KLHL24: variants seen among roughly 807,000 people sequenced by gnomAD.
KLHL24 encodes the protein kelch-like protein 24.
Under a neutral mutation model 53.4 loss-of-function variants are expected in KLHL24, and 29 were observed. The observed-to-expected ratio is 0.54, with a 90% CI of 0.40 to 0.74. KLHL24 has a LOEUF of 0.74. Ranked by LOEUF, KLHL24 falls within the 30% of genes least tolerant of loss-of-function variation. KLHL24 has a pLI of 0.00. For missense variants in KLHL24, 504 were observed against 744.0 expected, an observed-to-expected ratio of 0.68 and a Z score of 3.75; for synonymous variants, 222 against 253.7, an observed-to-expected ratio of 0.88 and a Z score of 1.19.
chr3:183,641,832 C>T (rs182265496), intron 1 of KLHL24, among the ~76,000 whole-genome samples: 8 of 152,318 alleles, frequency 5.3e-5, no homozygotes, highest in Admixed American at 2.0e-4. Context: ...AGTACACTCA[C>T]GCTGTAGATT....
At chr3:183,659,142 A>C (rs16857906) in intron 3 of KLHL24, among the ~76,000 whole-genome samples, 1 of 151,574 alleles carries the variant, frequency 6.6e-6, no homozygotes, top group African/African-American at 2.4e-5. Flanking sequence ...TAGGTTGTTG[A>C]TTTTTTTCTG....
At chr3:183,674,774 A>G (rs1194607990) in intron 7 of KLHL24, among the ~76,000 whole-genome samples, 1 of 152,108 alleles carries the variant, frequency 6.6e-6, no homozygotes, top group Non-Finnish European at 1.5e-5. Context: ...CCTTCATTTG[A>G]CCTTTCAGCT....
At chr3:183,647,513 C>A (rs943523410) in intron 2 of KLHL24, among the ~76,000 whole-genome samples, 3 of 150,932 alleles carry the variant, frequency 2.0e-5, no homozygotes, top group African/African-American at 7.3e-5. Context: ...GAGATTTAGA[C>A]CATCCTGGTC....
At chr3:183,645,146 A>G (rs889481834) in intron 2 of KLHL24, among the ~76,000 whole-genome samples, 1 of 152,252 alleles carries the variant, frequency 6.6e-6, no homozygotes, top group Non-Finnish European at 1.5e-5. Context: ...TAAGGCATTA[A>G]GATTAAAATA....
intron 5 of KLHL24, among the ~76,000 whole-genome samples, chr3:183,666,411 C>T (rs891888554): frequency 5.5e-4 from 84 of 152,144 alleles, no homozygotes; most frequent in African/African-American, 2.0e-3. Flanking sequence ...CACAGGTGTA[C>T]ACCACAATGC....
intron 1 of KLHL24, among the ~76,000 whole-genome samples, chr3:183,641,429 G>A (rs1363492766): frequency 1.6e-5 from 2 of 127,890 alleles, no homozygotes; most frequent in African/African-American, 6.2e-5. Context: ...AGTGAGCCGA[G>A]ATCATGCCAC....
At chr3:183,671,607 TA>T (rs1721336127) in intron 6 of KLHL24, among the ~76,000 whole-genome samples, 1 of 152,218 alleles carries the variant, frequency 6.6e-6, no homozygotes, top group Non-Finnish European at 1.5e-5. Flanking sequence ...GGTCATTTTC[TA>T]CATACTTTTG....
In KLHL24 at chr3:183,684,224, G is replaced by A. The variant is rs1712976149; in HGVS notation, c.*4938G>A. 1 of 152,026 alleles carries A rather than the reference G, an allele frequency of 6.6e-6. No individual in the cohort carries two copies. The highest frequency in any genetic ancestry group is 1.5e-5 in the Non-Finnish European group (1 of 67,988). The allele number at this position is 152,026 out of a possible 1,614,324, so 9.4% of individuals were successfully genotyped here. A position where few individuals can be genotyped will look rare whatever the true frequency, so the allele number is the denominator to read the frequency against. On this transcript the variant is annotated 3_prime_UTR_variant, in exon 8 of 8. Transcript: ENST00000242810. ...TTTATTTAAATTTTTATTGAGAGTTGTTGGAGCTCTAAGACAATACAAATT... is the reference window on the plus strand; with the variant it reads ...TTTATTTAAATTTTTATTGAGAGTTATTGGAGCTCTAAGACAATACAAATT...
Position 183,681,342 on chromosome 3 carries a change from T to C in KLHL24, c.*2056T>C, listed in dbSNP as rs1233749403. Reference sequence around the variant, plus strand: ...TAGTTGTTATTTTCATGTGTATTTGTAAGATCATGTCCATTTCATGAATAT... The same window carrying C: ...TAGTTGTTATTTTCATGTGTATTTGCAAGATCATGTCCATTTCATGAATAT... On this transcript the variant is annotated 3_prime_UTR_variant, in exon 8 of 8. Coordinates refer to ENST00000242810, the MANE Select transcript of KLHL24 (RefSeq NM_017644.3). 1 of 152,276 alleles carries C rather than the reference T, an allele frequency of 6.6e-6. No homozygotes were observed. The highest frequency in any genetic ancestry group is 1.9e-4 in the East Asian group (1 of 5,196). The allele number at this position is 152,276 out of a possible 1,614,324, so 9.4% of individuals were successfully genotyped here.
In KLHL24 at chr3:183,679,329, G is replaced by T; in HGVS notation, c.*43G>T. 6.6e-7 allele frequency: 1 copy of T among 1,509,674 alleles called. No individual in the cohort carries two copies. The highest frequency in any genetic ancestry group is 1.1e-5 in the South Asian group (1 of 88,326). The allele number at this position is 1,509,674 out of a possible 1,614,324, so 93.5% of individuals were successfully genotyped here. A position where few individuals can be genotyped will look rare whatever the true frequency, so the allele number is the denominator to read the frequency against. On this transcript the variant is annotated 3_prime_UTR_variant, in exon 8 of 8. Coordinates refer to ENST00000242810, the MANE Select transcript of KLHL24 (RefSeq NM_017644.3). ...GAAGAAGCCACACTGATCCAAGATG[G>T]GAGGTTTTAAAAACTCTACAGTGGG... is the stretch of plus-strand genomic sequence containing the variant.
At chr3:183,636,114 G>C (rs1047760775) in intron 1 of KLHL24, 1 of 152,504 alleles carries the variant, frequency 6.6e-6, no homozygotes, top group Admixed American at 6.5e-5. Flanking sequence ...CCGCAGGTGC[G>C]GTAGGCTAGT....
rs531821306 is a variant in KLHL24, at chr3:183,638,574, C to T, written c.-125+2781C>T. Reference sequence around the variant, plus strand: ...AATATATTTTTGTATGATTTTATTTCTGGTGTGACTGAAACAACTGGAGAG... The same window carrying T: ...AATATATTTTTGTATGATTTTATTTTTGGTGTGACTGAAACAACTGGAGAG... On this transcript the variant is annotated intron_variant, in intron 1 of 7. Transcript: ENST00000242810. 1.1e-4 allele frequency among the ~76,000 whole-genome samples: 16 copies of T among 152,272 alleles called. No individual in the cohort carries two copies. In the South Asian group the frequency reaches 2.3e-3, roughly 22 times the overall value.
intron 1 of KLHL24, among the ~76,000 whole-genome samples, chr3:183,640,282 C>G (rs1268356579): frequency 6.6e-6 from 1 of 152,110 alleles, no homozygotes; most frequent in Non-Finnish European, 1.5e-5. Flanking sequence ...TGGGGAATAT[C>G]AGTAGCCAGA....
At chr3:183,638,514 T>C (rs954299539) in intron 1 of KLHL24, among the ~76,000 whole-genome samples, 1 of 152,176 alleles carries the variant, frequency 6.6e-6, no homozygotes, top group African/African-American at 2.4e-5. Flanking sequence ...AATGGAAAAA[T>C]GTAAGTAAAT....
rs552755124 is a variant in KLHL24 at position 183,636,167 on chromosome 3, C to A, written c.-125+374C>A. On this transcript the variant is annotated intron_variant, in intron 1 of 7. Transcript: ENST00000242810. ...CCGCCGGGGGAGGCGGCTGGGCAGA[C>A]GGGTGCTGCTTGTTGCCGATGGGCT... 1,037 of 152,576 alleles carry A rather than the reference C, an allele frequency of 6.8e-3. 5 individuals carry two copies. The highest frequency in any genetic ancestry group is 0.013 in the Non-Finnish European group (859 of 68,304). The allele number at this position is 152,576 out of a possible 1,614,324, so 9.5% of individuals were successfully genotyped here. A position where few individuals can be genotyped will look rare whatever the true frequency, so the allele number is the denominator to read the frequency against.
intron 7 of KLHL24, among the ~76,000 whole-genome samples, chr3:183,675,245 T>C (rs544870793): frequency 4.6e-5 from 7 of 152,258 alleles, no homozygotes; most frequent in African/African-American, 1.7e-4. Flanking sequence ...CAGCATAGAT[T>C]ATAAGGATAG....
At chr3:183,656,482 G>A (rs1273620730) in intron 3 of KLHL24, among the ~76,000 whole-genome samples, 1 of 152,098 alleles carries the variant, frequency 6.6e-6, no homozygotes, top group Non-Finnish European at 1.5e-5. Context: ...TTAATACTTA[G>A]ATGCATGTTT....
At chr3:183,674,447 G>A (rs1190466878) in intron 7 of KLHL24, among the ~76,000 whole-genome samples, 2 of 151,494 alleles carry the variant, frequency 1.3e-5, no homozygotes, top group African/African-American at 4.8e-5. Context: ...TGCAAACTCC[G>A]CCTCCTGGGT....
chr3:183,657,667 G>A (rs1035674984), intron 3 of KLHL24, among the ~76,000 whole-genome samples: 27 of 152,196 alleles, frequency 1.8e-4, no homozygotes, highest in Non-Finnish European at 3.7e-4. Flanking sequence ...AGGGCTAGAA[G>A]TTAGTGTTCT....
Sources: allele counts gnomAD v4.1 joint callset (sites outside exome capture counted in the v4.1 genomes callset), GRCh38; gene constraint gnomAD v4.1.1; transcripts MANE v1.5; gene names NCBI Gene and HGNC (gene_info 2026-07-23, HGNC 2026-07-21).